ARHGAP22: variants seen among roughly 807,000 people sequenced by gnomAD.
ARHGAP22 encodes the protein rho GTPase-activating protein 22.
A neutral mutation model predicts 59.1 loss-of-function variants in ARHGAP22; 48 were observed. That is an observed-to-expected ratio of 0.81 (90% confidence interval 0.64 to 1.03). The LOEUF (loss-of-function observed/expected upper bound fraction) is 1.03. Among genes scored for constraint, ARHGAP22 ranks in the 50% least tolerant of loss-of-function variants. The probability of loss-of-function intolerance (pLI) is 0.00; values close to 1 mark genes in which losing one functional copy is unlikely to be tolerated. For missense variants in ARHGAP22, 1,015 were observed against 958.7 expected, an observed-to-expected ratio of 1.06 and a Z score of -0.78; for synonymous variants, 445 against 416.4, an observed-to-expected ratio of 1.07 and a Z score of -0.84.
chr10:48,592,674 A>G (rs951985167), intron 1 of ARHGAP22, among the ~76,000 whole-genome samples: 5 of 152,114 alleles, frequency 3.3e-5, no homozygotes, highest in Admixed American at 3.3e-4. Flanking sequence ...GAAGGCCCTC[A>G]TGTGGCTCAA....
rs1424197514 is a variant in ARHGAP22, at chr10:48,451,081, T to G, written c.1048A>C (p.Thr350Pro). The G allele has an allele frequency of 1.3e-6, 2 of 1,552,684 alleles. No individual in the cohort carries two copies. Among genetic ancestry groups the G allele is most frequent in the South Asian group, 2.4e-5 (2 of 84,172 alleles). ...GTGGGCCCTTCCGGGACCGGTGCCG[T>G]GAAGAGCTGGCTGTGTTTGCGGATG... is the stretch of plus-strand genomic sequence containing the variant. ...VLIRKHSQLF[T>P]APVPEGPTSP... The change falls in exon 9 of 10, where the codon ACG becomes CCG. Residue 350 changes from threonine (T) to proline (P), a missense_variant. Thr to Pro is a conservative substitution (Grantham distance 38). Coordinates refer to ENST00000249601, the MANE Select transcript of ARHGAP22 (RefSeq NM_021226.4).
chr10:48,606,118 C>T (rs2060661888), upstream of ARHGAP22, among the ~76,000 whole-genome samples: 1 of 152,154 alleles, frequency 6.6e-6, no homozygotes, highest in Non-Finnish European at 1.5e-5. Context: ...CTTTCAGTAG[C>T]TGGTAAAGAG....
chr10:48,642,671 G>A (rs1391370624), intron 1 of ARHGAP22, among the ~76,000 whole-genome samples: 1 of 152,190 alleles, frequency 6.6e-6, no homozygotes, highest in Non-Finnish European at 1.5e-5. Flanking sequence ...TCAGGACATA[G>A]GCATGGGCAA....
intron 3 of ARHGAP22, chr10:48,533,085 T>A (rs1235140744): frequency 6.6e-6 from 1 of 152,134 alleles, no homozygotes; most frequent in Admixed American, 6.5e-5. Context: ...TAGTTCAATC[T>A]CTGGCCAGAC....
intron 4 of ARHGAP22, among the ~76,000 whole-genome samples, chr10:48,464,825 G>C (rs1303104654): frequency 6.6e-6 from 1 of 152,090 alleles, no homozygotes; most frequent in Non-Finnish European, 1.5e-5. Context: ...CTATGAGGGC[G>C]AGACTTCCCT....
intron 1 of ARHGAP22, among the ~76,000 whole-genome samples, chr10:48,586,062 T>A (rs1009891655): frequency 6.6e-6 from 1 of 152,190 alleles, no homozygotes; most frequent in Non-Finnish European, 1.5e-5. Flanking sequence ...GGTTGGTCCC[T>A]GCACTTGTTC....
intron 3 of ARHGAP22, among the ~76,000 whole-genome samples, chr10:48,530,607 A>C (rs2054748660): frequency 6.6e-6 from 1 of 152,246 alleles, no homozygotes; most frequent in East Asian, 1.9e-4. Flanking sequence ...AAATGGGCTA[A>C]GGACACGAAC....
intron 3 of ARHGAP22, among the ~76,000 whole-genome samples, chr10:48,541,980 G>A (rs938119705): frequency 6.6e-6 from 1 of 152,230 alleles, no homozygotes; most frequent in Non-Finnish European, 1.5e-5. Flanking sequence ...CAGCAGGTTG[G>A]ACAGGAGAAG....
At chr10:48,464,378 A>T (rs906742915) in intron 4 of ARHGAP22, among the ~76,000 whole-genome samples, 3 of 152,196 alleles carry the variant, frequency 2.0e-5, no homozygotes, top group Non-Finnish European at 4.4e-5. Flanking sequence ...CGCCTTCCTG[A>T]ACACTTTCCC....
chr10:48,535,977 G>A lies in ARHGAP22; in HGVS notation c.322+19486C>T, dbSNP rs73298259. ...GCCCTGAGGAAAGGGGAGCATGGGC[G>A]CTTGCTGTGGCCACCTAGCTGTGGA... is the stretch of plus-strand genomic sequence containing the variant. On this transcript the variant is annotated intron_variant, in intron 3 of 9. Coordinates refer to ENST00000249601, the MANE Select transcript of ARHGAP22 (RefSeq NM_021226.4). 1.0e-3 allele frequency among the ~76,000 whole-genome samples: 154 copies of A among 152,364 alleles called. 1 individual carries two copies. The highest frequency in any genetic ancestry group is 3.5e-3 in the African/African-American group (144 of 41,584).
At chr10:48,636,044 T>A (rs2061803011) in intron 1 of ARHGAP22, among the ~76,000 whole-genome samples, 1 of 152,206 alleles carries the variant, frequency 6.6e-6, no homozygotes, top group Admixed American at 6.5e-5. Flanking sequence ...TAGCATCAGG[T>A]CCTTACTCTC....
intron 3 of ARHGAP22, among the ~76,000 whole-genome samples, chr10:48,543,145 A>G (rs1375828954): frequency 1.3e-5 from 2 of 152,186 alleles, no homozygotes; most frequent in Admixed American, 1.3e-4. Flanking sequence ...ATCAACTAAA[A>G]AACATGGTGC....
chr10:48,608,998 C>A (rs966962586), upstream of ARHGAP22, among the ~76,000 whole-genome samples: 6 of 152,178 alleles, frequency 3.9e-5, no homozygotes, highest in Admixed American at 2.6e-4. Context: ...CTTCTCAACT[C>A]TAATGTTCAA....
At chr10:48,558,582 G>T (rs1247483784) in intron 2 of ARHGAP22, among the ~76,000 whole-genome samples, 1 of 151,954 alleles carries the variant, frequency 6.6e-6, no homozygotes, top group African/African-American at 2.4e-5. Context: ...CCCCATGCTG[G>T]TCTCGATTTC....
At chr10:48,474,340 T>G (rs868508270) in intron 4 of ARHGAP22, among the ~76,000 whole-genome samples, 1 of 152,172 alleles carries the variant, frequency 6.6e-6, no homozygotes, top group Non-Finnish European at 1.5e-5. Flanking sequence ...ATTCTAATAG[T>G]TTTTTTGTAC....
intron 4 of ARHGAP22, among the ~76,000 whole-genome samples, chr10:48,474,041 A>T (rs2048476576): frequency 6.6e-6 from 1 of 152,204 alleles, no homozygotes; most frequent in African/African-American, 2.4e-5. Flanking sequence ...CAGTTTGAGG[A>T]GTATTGGCCT....
intron 1 of ARHGAP22, among the ~76,000 whole-genome samples, chr10:48,613,129 G>A (rs538995260): frequency 1.3e-5 from 2 of 152,220 alleles, no homozygotes; most frequent in African/African-American, 2.4e-5. Flanking sequence ...AGAGTCTCGT[G>A]CACATGTGCT....
intron 3 of ARHGAP22, among the ~76,000 whole-genome samples, chr10:48,520,056 G>T (rs1589902899): frequency 6.6e-6 from 1 of 152,190 alleles, no homozygotes; most frequent in East Asian, 1.9e-4. Context: ...GAGCACAGGA[G>T]CCATCAGCCA....
the ARHGAP22 span, among the ~76,000 whole-genome samples, chr10:48,439,847 G>A: frequency 6.6e-6 from 1 of 152,170 alleles, no homozygotes; most frequent in Non-Finnish European, 1.5e-5. Context: ...CACAGTTCCT[G>A]CTCCAAATGA....
Sources: gnomAD v4.1 joint callset for allele counts (sites outside exome capture counted in the v4.1 genomes callset) on GRCh38, gnomAD v4.1.1 for gene constraint, MANE v1.5 for transcripts, NCBI Gene and HGNC (gene_info 2026-07-23, HGNC 2026-07-21) for gene names.